The following THADA variants were observed in gnomAD, a reference collection of about 807,000 sequenced individuals.
THADA encodes the protein THADA armadillo repeat containing.
A neutral mutation model predicts 219.8 loss-of-function variants in THADA; 213 were observed. The observed-to-expected ratio is 0.97, with a 90% CI of 0.87 to 1.09. The LOEUF is 1.09. Ranked by LOEUF, THADA falls within the 50% of genes least tolerant of loss-of-function variation. The pLI, the probability that THADA is intolerant of heterozygous loss-of-function variation, is 0.00. For synonymous variants in THADA, 1,018 were observed against 828.9 expected (o/e 1.23, Z -3.92); for missense variants, 2,956 against 2,311.3 (o/e 1.28, Z -5.72).
chr2:43,289,796 C>T (rs539503186), intron 34 of THADA, among the ~76,000 whole-genome samples: 71 of 151,954 alleles, frequency 4.7e-4, no homozygotes, highest in African/African-American at 1.6e-3. Flanking sequence ...GGATTACGGG[C>T]GCATACCACC....
intron 8 of THADA, among the ~76,000 whole-genome samples, chr2:43,580,741 G>A (rs187015226): frequency 1.1e-3 from 170 of 152,050 alleles, no homozygotes; most frequent in Non-Finnish European, 1.9e-3. Context: ...TTAGCCAGGC[G>A]TGGTGGTGCA....
intron 28 of THADA, among the ~76,000 whole-genome samples, chr2:43,400,108 A>G (rs2104722489): frequency 6.6e-6 from 1 of 152,292 alleles, no homozygotes; most frequent in Non-Finnish European, 1.5e-5. Context: ...ACAGATGTTT[A>G]GTTTCCAATT....
intron 36 of THADA, among the ~76,000 whole-genome samples, chr2:43,264,278 TTTTTC>T (rs1213342328): frequency 1.3e-5 from 2 of 151,508 alleles, no homozygotes; most frequent in Admixed American, 1.3e-4. Context: ...TAGCTTTCTC[TTTTTC>T]TTTTCTTTTT....
intron 30 of THADA, chr2:43,343,273 C>A (rs1297091613): frequency 6.6e-6 from 1 of 152,244 alleles, no homozygotes; most frequent in Non-Finnish European, 1.5e-5. Flanking sequence ...TGGGCTCAAG[C>A]AATCCTTCTG....
intron 31 of THADA, among the ~76,000 whole-genome samples, chr2:43,309,827 A>G (rs1021755740): frequency 1.3e-5 from 2 of 152,242 alleles, no homozygotes; most frequent in African/African-American, 2.4e-5. Flanking sequence ...AAAGGAGTCC[A>G]CAATAGAACC....
At chr2:43,248,012 C>T (rs1262476152) in intron 36 of THADA, among the ~76,000 whole-genome samples, 1 of 151,082 alleles carries the variant, frequency 6.6e-6, no homozygotes, top group African/African-American at 2.4e-5. Context: ...TGCTGTACTC[C>T]AGCCTGGGCG....
intron 29 of THADA, among the ~76,000 whole-genome samples, chr2:43,381,973 A>C (rs1306205564): frequency 2.0e-5 from 3 of 152,202 alleles, no homozygotes; most frequent in East Asian, 1.9e-4. Context: ...TCTTTCTCCC[A>C]AAAACCCATA....
At chr2:43,525,101 C>T (rs2103710743) in intron 22 of THADA, among the ~76,000 whole-genome samples, 1 of 152,264 alleles carries the variant, frequency 6.6e-6, no homozygotes, top group South Asian at 2.1e-4. Context: ...TCATACTCAA[C>T]ACATAAAAAA....
At chr2:43,521,295 C>A (rs771697443) in intron 22 of THADA, among the ~76,000 whole-genome samples, 12 of 152,104 alleles carry the variant, frequency 7.9e-5, no homozygotes, top group Non-Finnish European at 1.5e-4. Context: ...GTGGCTCACT[C>A]CTGTAATCCA....
At chr2:43,239,815 G>A (rs943692695) in intron 36 of THADA, among the ~76,000 whole-genome samples, 18 of 152,192 alleles carry the variant, frequency 1.2e-4, no homozygotes, top group African/African-American at 4.3e-4. Context: ...GACTGGCCAA[G>A]GTGTTGGGTG....
chr2:43,260,246 T>C (rs1335456635), intron 36 of THADA, among the ~76,000 whole-genome samples: 3 of 152,190 alleles, frequency 2.0e-5, no homozygotes, highest in African/African-American at 7.2e-5. Context: ...GAACAATCTT[T>C]TTATTCTTTG....
intron 36 of THADA, among the ~76,000 whole-genome samples, chr2:43,248,164 T>TAGAG (rs70963389): frequency 1.1e-3 from 43 of 40,936 alleles, no homozygotes; most frequent in African/African-American, 2.3e-3. Flanking sequence ...TATATATATA[T>TAGAG]AGAGAGAGAG....
intron 26 of THADA, among the ~76,000 whole-genome samples, chr2:43,458,964 G>A (rs1683324193): frequency 6.6e-6 from 1 of 151,978 alleles, no homozygotes; most frequent in Non-Finnish European, 1.5e-5. Context: ...AAATTTTGCT[G>A]GTTCACAAAA....
intron 24 of THADA, among the ~76,000 whole-genome samples, chr2:43,504,870 T>A (rs1689463779): frequency 2.6e-5 from 4 of 152,058 alleles, no homozygotes. Context: ...AGCAACAGAG[T>A]GAGACTCTGT....
intron 29 of THADA, among the ~76,000 whole-genome samples, chr2:43,344,761 T>TTG (rs1667448141): frequency 6.6e-6 from 1 of 151,790 alleles, no homozygotes; most frequent in African/African-American, 2.4e-5. Context: ...TATTTAGGGT[T>TTG]TTTTTTGTTT....
At chr2:43,306,319 G>T (rs1676857148) in intron 31 of THADA, among the ~76,000 whole-genome samples, 1 of 152,082 alleles carries the variant, frequency 6.6e-6, no homozygotes, top group Admixed American at 6.5e-5. Context: ...GCCTACTTCT[G>T]GTTCTTTCGG....
intron 7 of THADA, among the ~76,000 whole-genome samples, chr2:43,585,756 G>C (rs989656847): frequency 6.6e-6 from 1 of 152,038 alleles, no homozygotes; most frequent in Admixed American, 6.5e-5. Context: ...AGAAGTAACA[G>C]AGGATATTTC....
rs1181680289 is a variant in THADA at position 43,261,216 on chromosome 2, CT to C, written c.5296+18548del. ...TTGCCTGAAATAAATTTGTGCATTT[CT>C]TTTTTTTTTTTTTTTTTTTTTTTTG... On this transcript the variant is annotated intron_variant, in intron 36 of 37. Coordinates refer to ENST00000405975, the MANE Select transcript of THADA (RefSeq NM_022065.5). Among the ~76,000 whole-genome samples the C allele has an allele frequency of 1.4e-3, 109 of 77,156 alleles. 1 individual carries two copies. In the East Asian group the frequency reaches 0.02, roughly 14 times the overall value. 50.6% of individuals were successfully genotyped at this position (77,156 alleles called of 152,430 possible). A position where few individuals can be genotyped will look rare whatever the true frequency, so the allele number is the denominator to read the frequency against.
intron 27 of THADA, among the ~76,000 whole-genome samples, chr2:43,429,168 C>G (rs908248417): frequency 8.0e-5 from 12 of 149,996 alleles, no homozygotes; most frequent in African/African-American, 2.9e-4. Flanking sequence ...AGTGCAGTGG[C>G]AAGATCTCAG....
Sources: allele counts gnomAD v4.1 joint callset (sites outside exome capture counted in the v4.1 genomes callset), GRCh38; gene constraint gnomAD v4.1.1; transcripts MANE v1.5; gene names NCBI Gene and HGNC (gene_info 2026-07-23, HGNC 2026-07-21).